DYM: variants seen among roughly 807,000 people sequenced by gnomAD.
DYM encodes the protein dyggve-Melchior-Clausen syndrome protein.
A neutral mutation model predicts 93.1 loss-of-function variants in DYM; 78 were observed. That is an observed-to-expected ratio of 0.84 (90% CI 0.70 to 1.01). The LOEUF (loss-of-function observed/expected upper bound fraction) is 1.01. Ranked by LOEUF, DYM falls within the 50% of genes least tolerant of loss-of-function variation. DYM has a pLI of 0.00. For missense variants in DYM, 789 were observed against 845.0 expected (o/e 0.93, Z 0.82); for synonymous variants, 321 against 319.7 (o/e 1.00, Z -0.04).
Position 49,430,387 on chromosome 18 carries a change from G to A in DYM, c.8C>T (p.Ser3Leu), listed in dbSNP as rs377272544. The A allele has an allele frequency of 9.9e-6, 16 of 1,613,422 alleles. No individual in the cohort carries two copies. Among genetic ancestry groups the A allele is most frequent in the South Asian group, 2.2e-5 (2 of 91,070 alleles). MGSNSSRIGDLPK... is the reference protein window; with the variant it reads MGLNSSRIGDLPK... ...AAGATCGCCGATTCTGCTGCTATTC[G>A]ATCCCATCTTCTAGCTTAAGCAGAT... Residue 3 changes from serine to leucine, a missense_variant, in exon 2 of 18, where the codon TCG becomes TTG. Ser to Leu is a moderately radical substitution (Grantham distance 145). Coordinates refer to ENST00000675505, the MANE Select transcript of DYM (RefSeq NM_001353214.3).
chr18:49,269,163 A>G (rs942580283), intron 11 of DYM, among the ~76,000 whole-genome samples: 10 of 152,194 alleles, frequency 6.6e-5, no homozygotes, highest in African/African-American at 1.9e-4. Context: ...ATTTCTCCAA[A>G]AGAGACATAA....
intron 16 of DYM, among the ~76,000 whole-genome samples, chr18:49,113,599 C>T (rs1204976437): frequency 2.6e-5 from 4 of 152,144 alleles, no homozygotes; most frequent in Admixed American, 6.5e-5. Context: ...ACAGTAGATT[C>T]GTCTCCTCCA....
intron 15 of DYM, among the ~76,000 whole-genome samples, chr18:49,135,619 G>A (rs1349092787): frequency 1.3e-5 from 2 of 152,172 alleles, no homozygotes; most frequent in African/African-American, 4.8e-5. Context: ...GATGTATTTA[G>A]GAGGTATAAG....
intron 17 of DYM, among the ~76,000 whole-genome samples, chr18:49,069,604 CAT>C (rs778202854): frequency 3.5e-4 from 54 of 152,304 alleles, no homozygotes; most frequent in African/African-American, 6.7e-4. Flanking sequence ...AAGTAAGACT[CAT>C]GTGTGTTGTT....
intron 16 of DYM, 88 bp downstream of exon 16, chr18:49,118,656 C>T (rs780421355): frequency 2.5e-6 from 3 of 1,222,896 alleles, no homozygotes; most frequent in African/African-American, 3.0e-5. Context: ...GAAACTCTTA[C>T]TATTATAGTT....
At chr18:49,194,807 T>C (rs1413905185) in intron 14 of DYM, among the ~76,000 whole-genome samples, 1 of 152,218 alleles carries the variant, frequency 6.6e-6, no homozygotes, top group African/African-American at 2.4e-5. Context: ...TGCTAAGTCA[T>C]TTTGAATTAA....
At chr18:49,308,300 A>G (rs1009652659) in intron 8 of DYM, among the ~76,000 whole-genome samples, 1 of 151,928 alleles carries the variant, frequency 6.6e-6, no homozygotes, top group Non-Finnish European at 1.5e-5. Context: ...GTATATATAT[A>G]TATATATATG....
At chr18:49,385,771 A>C (rs559638142) in intron 3 of DYM, among the ~76,000 whole-genome samples, 2 of 152,046 alleles carry the variant, frequency 1.3e-5, no homozygotes, top group Non-Finnish European at 2.9e-5. Context: ...AAACACAAAA[A>C]GCCTAACAAA....
chr18:49,414,512 A>G (rs968495831), intron 2 of DYM, among the ~76,000 whole-genome samples: 2 of 152,198 alleles, frequency 1.3e-5, no homozygotes, highest in African/African-American at 4.8e-5. Flanking sequence ...CATACAACTT[A>G]TAAGATCTTT....
intron 3 of DYM, among the ~76,000 whole-genome samples, chr18:49,384,969 T>A (rs2068446264): frequency 7.0e-6 from 1 of 142,496 alleles, no homozygotes. Flanking sequence ...CGTACACCAA[T>A]CAAAACACCT....
chr18:49,090,289 AATGTC>A (rs2078927111), intron 17 of DYM, among the ~76,000 whole-genome samples: 1 of 152,184 alleles, frequency 6.6e-6, no homozygotes, highest in Admixed American at 6.5e-5. Context: ...AAATGGCAGA[AATGTC>A]ATCTCTCCTT....
chr18:49,441,057 A>G (rs2081424808), intron 1 of DYM, among the ~76,000 whole-genome samples: 1 of 7,592 alleles, frequency 1.3e-4, no homozygotes, highest in African/African-American at 3.3e-4. Context: ...TAATATATTT[A>G]TATATATTAT....
intron 16 of DYM, among the ~76,000 whole-genome samples, chr18:49,102,417 T>C: frequency 6.6e-6 from 1 of 151,242 alleles, no homozygotes; most frequent in South Asian, 2.1e-4. Context: ...CCAGATATCT[T>C]ATTTCTTTTT....
At chr18:49,222,045 T>C (rs143708929) in intron 13 of DYM, among the ~76,000 whole-genome samples, 8 of 151,812 alleles carry the variant, frequency 5.3e-5, no homozygotes, top group African/African-American at 1.9e-4. Context: ...AACTTTAAAA[T>C]GTAGAAATGA....
At chr18:49,298,469 T>G (rs985946405) in intron 8 of DYM, among the ~76,000 whole-genome samples, 2 of 151,708 alleles carry the variant, frequency 1.3e-5, no homozygotes, top group East Asian at 3.9e-4. Context: ...TAATCCCAGC[T>G]ACTCAGGAGG....
intron 15 of DYM, among the ~76,000 whole-genome samples, chr18:49,126,772 G>T (rs140242064): frequency 6.6e-6 from 1 of 151,950 alleles, no homozygotes; most frequent in Non-Finnish European, 1.5e-5. Flanking sequence ...ACATATTTTC[G>T]AAGTATTTTG....
chr18:49,140,081 T>C (rs2084301623), intron 15 of DYM, among the ~76,000 whole-genome samples: 1 of 152,184 alleles, frequency 6.6e-6, no homozygotes, highest in Middle Eastern at 3.2e-3. Context: ...AATGACTTGA[T>C]GATTCTAAGT....
intron 14 of DYM, among the ~76,000 whole-genome samples, chr18:49,171,510 C>A (rs2145263507): frequency 6.6e-6 from 1 of 152,202 alleles, no homozygotes; most frequent in Non-Finnish European, 1.5e-5. Flanking sequence ...ATCAAATTTA[C>A]ATTATGTAGT....
At chr18:49,050,080 CTTTTTT>C (rs555098372) in intron 17 of DYM, among the ~76,000 whole-genome samples, 3 of 106,938 alleles carry the variant, frequency 2.8e-5, no homozygotes, top group Admixed American at 9.5e-5. Context: ...AGGTAACTTC[CTTTTTT>C]TTTTTTTTTT....
Sources: allele counts gnomAD v4.1 joint callset (sites outside exome capture counted in the v4.1 genomes callset), GRCh38; gene constraint gnomAD v4.1.1; transcripts MANE v1.5; gene names NCBI Gene and HGNC (gene_info 2026-07-23, HGNC 2026-07-21).